The following RHEX variants were observed in gnomAD, a reference collection of about 807,000 sequenced individuals.
RHEX encodes regulator of hemoglobinization and erythroid cell expansion, also known as regulator of hemoglobinization and erythroid cell expansion protein.
In RHEX, 18 loss-of-function variants were observed where a neutral mutation model predicts 20.1. The observed-to-expected ratio is 0.90, with a 90% CI of 0.62 to 1.33. The LOEUF (loss-of-function observed/expected upper bound fraction) is 1.33, where lower values mean the gene tolerates loss of function less well. Ranked by LOEUF, RHEX falls within the 40% of genes most tolerant of loss-of-function variation. The probability of loss-of-function intolerance (pLI) is 0.00; values close to 1 mark genes in which losing one functional copy is unlikely to be tolerated. For synonymous variants in RHEX, 87 were observed against 77.1 expected (o/e 1.13, Z -0.67); for missense variants, 192 against 214.3 (o/e 0.90, Z 0.65).
intron 1 of RHEX, among the ~76,000 whole-genome samples, chr1:206,057,796 C>A (rs1453383506): frequency 6.6e-6 from 1 of 152,286 alleles, no homozygotes; most frequent in Non-Finnish European, 1.5e-5. Flanking sequence ...AAAAATCTTA[C>A]AATACTATGG....
chr1:206,099,954 A>G (rs528717202), intron 4 of RHEX, among the ~76,000 whole-genome samples, 156 bp downstream of exon 4: 1 of 152,274 alleles, frequency 6.6e-6, no homozygotes, highest in East Asian at 1.9e-4. Context: ...ACTTTTTTTC[A>G]GAAAGGTGTT....
chr1:206,081,454 A>G (rs1292059783), intron 1 of RHEX, among the ~76,000 whole-genome samples: 2 of 152,192 alleles, frequency 1.3e-5, no homozygotes, highest in African/African-American at 4.8e-5. Context: ...GAGATATAAG[A>G]AAAATGTAGT....
intron 1 of RHEX, among the ~76,000 whole-genome samples, chr1:206,090,198 C>G: frequency 7.3e-6 from 1 of 137,450 alleles, no homozygotes; most frequent in Admixed American, 7.2e-5. Context: ...CTTTTCTTTT[C>G]TTTCTTTTTT....
chr1:206,097,634 T>G, intron 1 of RHEX, 99 bp from the exon 2 acceptor site: 1 of 674,762 alleles, frequency 1.5e-6, no homozygotes, highest in Non-Finnish European at 2.6e-6. Context: ...ATGAATAAAC[T>G]GGGCATGTGT....
intron 1 of RHEX, among the ~76,000 whole-genome samples, chr1:206,057,616 G>A (rs1167461541): frequency 2.6e-5 from 4 of 152,270 alleles, no homozygotes; most frequent in Non-Finnish European, 5.9e-5. Flanking sequence ...CAGAGCTTAT[G>A]CTAAGCTGCC....
At chr1:206,063,786 G>A (rs1296032412) in intron 1 of RHEX, among the ~76,000 whole-genome samples, 2 of 152,144 alleles carry the variant, frequency 1.3e-5, no homozygotes, top group Non-Finnish European at 2.9e-5. Context: ...CCAAAGTGCC[G>A]AGATTGCAGC....
chr1:206,054,300 A>T (rs1376866570), intron 1 of RHEX, among the ~76,000 whole-genome samples: 1 of 152,144 alleles, frequency 6.6e-6, no homozygotes, highest in African/African-American at 2.4e-5. Context: ...AAAAAATGTT[A>T]TAAAAAAATT....
chr1:206,087,181 T>G (rs1553286485), intron 1 of RHEX, among the ~76,000 whole-genome samples: 1 of 152,248 alleles, frequency 6.6e-6, no homozygotes, highest in Admixed American at 6.5e-5. Context: ...GCTTGTGTGG[T>G]CGCTTTGCAG....
At chr1:206,061,575 C>T (rs1662311446) in intron 1 of RHEX, 1 of 152,202 alleles carries the variant, frequency 6.6e-6, no homozygotes. Context: ...ACTTGCTGTC[C>T]TGTAGGGACA....
At chr1:206,099,029 T>C (rs1423672247) in intron 3 of RHEX, among the ~76,000 whole-genome samples, 2 of 152,102 alleles carry the variant, frequency 1.3e-5, no homozygotes, top group African/African-American at 4.8e-5. Context: ...AGGCGTGAAC[T>C]CTACCTGCAA....
intron 1 of RHEX, chr1:206,061,848 G>A (rs1486419700): frequency 2.0e-5 from 3 of 152,206 alleles, no homozygotes; most frequent in Middle Eastern, 6.8e-3. Flanking sequence ...GCTCAGAGTG[G>A]GGGTCAGACC....
intron 1 of RHEX, among the ~76,000 whole-genome samples, chr1:206,054,833 T>C (rs1662156095): frequency 6.6e-6 from 1 of 152,248 alleles, no homozygotes; most frequent in Non-Finnish European, 1.5e-5. Flanking sequence ...AAATATAAAA[T>C]GGTGTTTAGC....
chr1:206,086,323 A>G (rs1571867528), intron 1 of RHEX, among the ~76,000 whole-genome samples: 1 of 152,216 alleles, frequency 6.6e-6, no homozygotes, highest in East Asian at 1.9e-4. Context: ...TATATATGCC[A>G]GGCCCTCTAC....
chr1:206,080,808 G>A (rs1408605792), intron 1 of RHEX, among the ~76,000 whole-genome samples: 1 of 152,092 alleles, frequency 6.6e-6, no homozygotes, highest in African/African-American at 2.4e-5. Context: ...AGCAGGCAAA[G>A]TGCCTTCTTT....
chr1:206,069,360 TG>T (rs1276311682), intron 1 of RHEX, among the ~76,000 whole-genome samples: 1 of 152,228 alleles, frequency 6.6e-6, no homozygotes, highest in Non-Finnish European at 1.5e-5. Flanking sequence ...AGGATCTTAC[TG>T]GGCTTCATAG....
intron 1 of RHEX, among the ~76,000 whole-genome samples, chr1:206,053,910 A>T (rs1638450223): frequency 6.6e-6 from 1 of 152,252 alleles, no homozygotes; most frequent in African/African-American, 2.4e-5. Flanking sequence ...AAGGCCATCT[A>T]TACCAATTCT....
intron 1 of RHEX, among the ~76,000 whole-genome samples, chr1:206,060,193 A>G (rs532428152): frequency 1.3e-5 from 2 of 152,270 alleles, no homozygotes; most frequent in African/African-American, 4.8e-5. Context: ...GTTTTTCTTT[A>G]CTGTATAATA....
chr1:206,092,665 C>CT (rs537840552), intron 1 of RHEX, among the ~76,000 whole-genome samples: 79 of 152,256 alleles, frequency 5.2e-4, no homozygotes, highest in African/African-American at 1.8e-3. Flanking sequence ...TGTAGTCTAA[C>CT]TTTTTTTAAA....
intron 1 of RHEX, among the ~76,000 whole-genome samples, chr1:206,065,869 G>A (rs1553284118): frequency 6.6e-6 from 1 of 152,234 alleles, no homozygotes; most frequent in East Asian, 1.9e-4. Context: ...GGCGCAGAAG[G>A]CAGTGGGAAC....
Sources: allele counts gnomAD v4.1 joint callset (sites outside exome capture counted in the v4.1 genomes callset), GRCh38; gene constraint gnomAD v4.1.1; transcripts MANE v1.5; gene names NCBI Gene and HGNC (gene_info 2026-07-23, HGNC 2026-07-21).